The following ADAMTSL1 variants were observed in gnomAD, a reference collection of about 807,000 sequenced individuals.
ADAMTSL1 encodes ADAMTS like 1.
In ADAMTSL1, 126 loss-of-function variants were observed where a neutral mutation model predicts 201.8. That is an observed-to-expected ratio of 0.62 (90% CI 0.54 to 0.72). ADAMTSL1 has a LOEUF of 0.72. Ranked by LOEUF, ADAMTSL1 falls within the 30% of genes least tolerant of loss-of-function variation. The pLI is 0.00. For synonymous variants in ADAMTSL1, 1,121 were observed against 903.4 expected (o/e 1.24, Z -4.32); for missense variants, 2,679 against 2,277.8 (o/e 1.18, Z -3.59).
intron 15 of ADAMTSL1, among the ~76,000 whole-genome samples, chr9:18,743,263 ACACTTT>A (rs1818945302): frequency 3.9e-5 from 6 of 152,148 alleles, no homozygotes; most frequent in Admixed American, 3.9e-4. Context: ...AAGGCTGAAG[ACACTTT>A]ATATAATTGG....
At position 18,777,142 on chromosome 9, in the gene ADAMTSL1, C is replaced by G. The variant is rs2133755632; in HGVS notation, c.2913C>G (p.Pro971=). The G allele has an allele frequency of 6.2e-7, 1 of 1,613,034 alleles. No homozygotes were observed. The highest frequency in any genetic ancestry group is 1.3e-5 in the African/African-American group (1 of 75,078). Residue 971 remains proline, a synonymous_variant, in exon 19 of 29, where the codon CCC becomes CCG. Transcript: ENST00000380548. The part of the protein sequence containing the change: ...IGGNRKLVAR[P]LSPRSEEEVL... Reference sequence around the variant, plus strand: ...GCAACCGCAAGCTCGTGGCCCGGCCCTTGAGCCCGAGAAGTGAGGAAGAGG... The same window carrying G: ...GCAACCGCAAGCTCGTGGCCCGGCCGTTGAGCCCGAGAAGTGAGGAAGAGG...
intron 19 of ADAMTSL1, among the ~76,000 whole-genome samples, chr9:18,782,436 CATT>C (rs1295183849): frequency 6.6e-6 from 1 of 152,194 alleles, no homozygotes; most frequent in Non-Finnish European, 1.5e-5. Flanking sequence ...CACCGCTCAT[CATT>C]GTCTATCCTT....
intron 1 of ADAMTSL1, among the ~76,000 whole-genome samples, chr9:18,017,247 T>C (rs1820296693): frequency 6.6e-6 from 1 of 152,086 alleles, no homozygotes; most frequent in South Asian, 2.1e-4. Context: ...GTGGTGATTA[T>C]GTAAAAGATG....
intron 2 of ADAMTSL1, among the ~76,000 whole-genome samples, chr9:18,296,773 A>C (rs1587494551): frequency 1.3e-5 from 2 of 152,316 alleles, no homozygotes; most frequent in African/African-American, 4.8e-5. Context: ...ACTGTAGATC[A>C]TCCTTGAGCA....
chr9:18,661,796 C>A, intron 8 of ADAMTSL1, 139 bp from the exon 9 acceptor site: 2 of 888,856 alleles, frequency 2.3e-6, no homozygotes, highest in South Asian at 2.1e-5. Flanking sequence ...ATGAGCCTTC[C>A]AATTATGTGT....
At chr9:18,721,454 C>A in intron 14 of ADAMTSL1, 82 bp from the exon 15 acceptor site, 1 of 1,556,790 alleles carries the variant, frequency 6.4e-7, no homozygotes, top group Non-Finnish European at 8.7e-7. Context: ...GGACCTCCCA[C>A]CAGCTGCCTT....
rs887855689 is a variant in ADAMTSL1 at position 18,180,709 on chromosome 9, C to T, written c.207+16728C>T. Among the ~76,000 whole-genome samples the T allele has an allele frequency of 3.7e-4, 56 of 152,154 alleles. 1 individual carries two copies. Among genetic ancestry groups the T allele is most frequent in the Admixed American group, 1.1e-3 (17 of 15,294 alleles). ...CAATATCATGAAAATGGCCATACTG[C>T]CAAAGGTAATTTACAGATTCAATGC... On this transcript the variant is annotated intron_variant, in intron 2 of 29. Transcript: ENST00000680146.
chr9:18,131,407 T>C (rs1238859455), intron 1 of ADAMTSL1, among the ~76,000 whole-genome samples: 2 of 152,292 alleles, frequency 1.3e-5, no homozygotes, highest in South Asian at 2.1e-4. Context: ...CAAGGTTGTA[T>C]GAGTGCTGCA....
chr9:18,472,730 TGAAAG>T (rs992021639), upstream of ADAMTSL1, among the ~76,000 whole-genome samples: 1 of 152,184 alleles, frequency 6.6e-6, no homozygotes, highest in African/African-American at 2.4e-5. Flanking sequence ...TTTTTAATAA[TGAAAG>T]GAAAGAACAT....
At chr9:18,486,889 C>T (rs142735423) in intron 1 of ADAMTSL1, among the ~76,000 whole-genome samples, 114 of 152,334 alleles carry the variant, frequency 7.5e-4, no homozygotes, top group Non-Finnish European at 1.1e-3. Flanking sequence ...TCCTACTCCA[C>T]TCCTTAGATT....
chr9:18,631,103 T>C (rs1458853870), intron 5 of ADAMTSL1, among the ~76,000 whole-genome samples: 4 of 152,222 alleles, frequency 2.6e-5, no homozygotes, highest in Admixed American at 6.5e-5. Context: ...TCTGATTTCA[T>C]ATATGTTAAA....
At chr9:18,273,565 C>T (rs1473710111) in intron 2 of ADAMTSL1, among the ~76,000 whole-genome samples, 1 of 152,342 alleles carries the variant, frequency 6.6e-6, no homozygotes, top group Non-Finnish European at 1.5e-5. Context: ...CCCCTGGTTA[C>T]ATTTATCTTC....
intron 1 of ADAMTSL1, among the ~76,000 whole-genome samples, chr9:18,075,848 T>C (rs1011732138): frequency 6.6e-6 from 1 of 152,202 alleles, no homozygotes; most frequent in African/African-American, 2.4e-5. Context: ...GACCTGTGCC[T>C]GTAAAAGGTG....
At chr9:18,511,638 A>T (rs915769221) in intron 2 of ADAMTSL1, among the ~76,000 whole-genome samples, 1 of 152,178 alleles carries the variant, frequency 6.6e-6, no homozygotes, top group African/African-American at 2.4e-5. Flanking sequence ...AATAGGAAAG[A>T]TCATTCTAAA....
intron 23 of ADAMTSL1, among the ~76,000 whole-genome samples, chr9:18,832,442 G>A (rs181003733): frequency 3.9e-5 from 6 of 152,270 alleles, no homozygotes; most frequent in African/African-American, 1.2e-4. Flanking sequence ...CCTGGGGAAC[G>A]GGAACAAATC....
At chr9:18,227,966 C>T (rs1052515411) in intron 2 of ADAMTSL1, among the ~76,000 whole-genome samples, 2 of 152,168 alleles carry the variant, frequency 1.3e-5, no homozygotes, top group African/African-American at 4.8e-5. Flanking sequence ...ACTCACAATG[C>T]ATTCTTCCAC....
intron 1 of ADAMTSL1, among the ~76,000 whole-genome samples, chr9:17,952,119 C>CTTTT (rs541405219): frequency 8.6e-5 from 12 of 139,690 alleles, no homozygotes; most frequent in African/African-American, 1.0e-4. Context: ...TTCTTTCTTT[C>CTTTT]TTTTTTTTTT....
intron 26 of ADAMTSL1, among the ~76,000 whole-genome samples, chr9:18,896,075 T>A (rs1026595973): frequency 7.9e-5 from 12 of 151,802 alleles, no homozygotes; most frequent in Non-Finnish European, 1.6e-4. Context: ...ACAAACAGAG[T>A]CTAAAAGAGT....
rs1386302605 is a variant in ADAMTSL1 at position 17,970,311 on chromosome 9, T to A, written c.87+63389T>A. Among the ~76,000 whole-genome samples the A allele has an allele frequency of 2.2e-4, 33 of 152,058 alleles. 1 individual carries two copies. The highest frequency in any genetic ancestry group is 2.2e-3 in the Admixed American group (33 of 15,238). ...ACTACCCCCTCCTATCTACCCCAAC[T>A]GCCCTGTTAGCTCTTACTCAGAACA... On this transcript the variant is annotated intron_variant, in intron 1 of 29. Coordinates refer to the ADAMTSL1 transcript ENST00000680146.
Sources: gnomAD v4.1 joint callset for allele counts (sites outside exome capture counted in the v4.1 genomes callset) on GRCh38, gnomAD v4.1.1 for gene constraint, MANE v1.5 for transcripts, NCBI Gene and HGNC (gene_info 2026-07-23, HGNC 2026-07-21) for gene names.